Variants in ADAMTS3 observed in about 807,000 individuals in gnomAD.
The protein encoded by ADAMTS3 is ADAM metallopeptidase with thrombospondin type 1 motif 3.
A neutral mutation model predicts 129.0 loss-of-function variants in ADAMTS3; 73 were observed. The ratio of observed to expected loss-of-function variants is 0.57; its 90% CI spans 0.47 to 0.69. The LOEUF is 0.69. Among genes scored for constraint, ADAMTS3 ranks in the 30% least tolerant of loss-of-function variants. The pLI, the probability that ADAMTS3 is intolerant of heterozygous loss-of-function variation, is 0.00. For synonymous variants in ADAMTS3, 477 were observed against 510.8 expected (o/e 0.93, Z 0.89); for missense variants, 1,457 against 1,514.5 (o/e 0.96, Z 0.63).
intron 10 of ADAMTS3, 45 bp from the exon 11 acceptor site, chr4:72,316,016 T>A (rs745666412): frequency 1.7e-6 from 2 of 1,206,564 alleles, no homozygotes; most frequent in East Asian, 2.4e-5. Context: ...TCAGCTAGCA[T>A]GACATGCACC....
At chr4:72,359,286 T>C (rs146408909) in intron 4 of ADAMTS3, among the ~76,000 whole-genome samples, 5 of 152,196 alleles carry the variant, frequency 3.3e-5, no homozygotes, top group African/African-American at 1.2e-4. Context: ...AGCTTGCTTC[T>C]GCATTTCTAT....
intron 4 of ADAMTS3, among the ~76,000 whole-genome samples, chr4:72,387,211 G>C (rs889207081): frequency 6.6e-6 from 1 of 152,016 alleles, no homozygotes; most frequent in African/African-American, 2.4e-5. Context: ...ATGCTTTTTT[G>C]TATGAACATT....
intron 3 of ADAMTS3, among the ~76,000 whole-genome samples, chr4:72,483,113 T>G (rs1719483555): frequency 6.6e-6 from 1 of 152,174 alleles, no homozygotes; most frequent in African/African-American, 2.4e-5. Flanking sequence ...TCTACTCTCA[T>G]CTTTTTTTTC....
intron 3 of ADAMTS3, among the ~76,000 whole-genome samples, chr4:72,508,412 T>C (rs1280401999): frequency 6.6e-6 from 1 of 152,122 alleles, no homozygotes; most frequent in Admixed American, 6.6e-5. Flanking sequence ...TTCAAGGTAA[T>C]TGGAGAAAAC....
At chr4:72,297,449 T>C (rs578204656) in intron 18 of ADAMTS3, among the ~76,000 whole-genome samples, 4 of 152,136 alleles carry the variant, frequency 2.6e-5, no homozygotes, top group Non-Finnish European at 5.9e-5. Flanking sequence ...ATAAAATAAA[T>C]AATTTACACA....
intron 4 of ADAMTS3, among the ~76,000 whole-genome samples, chr4:72,381,642 A>T (rs1386613892): frequency 3.3e-5 from 5 of 152,182 alleles, no homozygotes; most frequent in Admixed American, 1.3e-4. Flanking sequence ...AGATGCATCT[A>T]TAAGATATAC....
intron 3 of ADAMTS3, among the ~76,000 whole-genome samples, chr4:72,535,195 AC>A (rs1282752675): frequency 6.6e-6 from 1 of 152,158 alleles, no homozygotes; most frequent in Non-Finnish European, 1.5e-5. Context: ...ATATTGGTAC[AC>A]CCTAAGCAAA....
intron 3 of ADAMTS3, among the ~76,000 whole-genome samples, chr4:72,450,939 G>GGAAA (rs1378980719): frequency 2.0e-5 from 3 of 147,178 alleles, no homozygotes. Context: ...AAGGAAGGAA[G>GGAAA]GAAGGAAGGC....
chr4:72,481,449 AAGAG>A (rs1288068734), intron 3 of ADAMTS3, among the ~76,000 whole-genome samples: 1 of 152,174 alleles, frequency 6.6e-6, no homozygotes, highest in South Asian at 2.1e-4. Context: ...CAATAAAAGA[AAGAG>A]AGCTTTTCAG....
chr4:72,466,548 C>T (rs1409437861), intron 3 of ADAMTS3, among the ~76,000 whole-genome samples: 1 of 151,978 alleles, frequency 6.6e-6, no homozygotes, highest in Non-Finnish European at 1.5e-5. Context: ...ATTTGCTAAT[C>T]GACAGAATGT....
chr4:72,553,690 C>G (rs1399847288), intron 2 of ADAMTS3, among the ~76,000 whole-genome samples: 1 of 152,004 alleles, frequency 6.6e-6, no homozygotes, highest in Admixed American at 6.6e-5. Context: ...CAAACCTCAG[C>G]ACCTCCTCCT....
chr4:72,336,566 A>G (rs1430638195), intron 5 of ADAMTS3, among the ~76,000 whole-genome samples: 2 of 152,164 alleles, frequency 1.3e-5, no homozygotes, highest in African/African-American at 2.4e-5. Context: ...ACAGGCTACA[A>G]CAGGGCAGAG....
intron 3 of ADAMTS3, among the ~76,000 whole-genome samples, chr4:72,496,413 C>T (rs1719874325): frequency 6.6e-6 from 1 of 152,102 alleles, no homozygotes; most frequent in Non-Finnish European, 1.5e-5. Context: ...CAGATCTCAC[C>T]TTTCTTCTTT....
chr4:72,459,358 T>C (rs1040121649), intron 3 of ADAMTS3, among the ~76,000 whole-genome samples: 2 of 151,606 alleles, frequency 1.3e-5, no homozygotes, highest in African/African-American at 4.8e-5. Flanking sequence ...ATATTTCAAT[T>C]CCGAGATGGC....
At chr4:72,402,851 G>T (rs1721959324) in intron 4 of ADAMTS3, among the ~76,000 whole-genome samples, 1 of 152,092 alleles carries the variant, frequency 6.6e-6, no homozygotes, top group Admixed American at 6.6e-5. Context: ...ATTAAGGTCT[G>T]GGAGGTGGTG....
chr4:72,447,768 C>T (rs1014373194), intron 3 of ADAMTS3, among the ~76,000 whole-genome samples: 7 of 151,606 alleles, frequency 4.6e-5, no homozygotes, highest in African/African-American at 1.7e-4. Flanking sequence ...AACCGGTGAC[C>T]CAAATGCAGA....
Position 72,332,583 on chromosome 4 carries a change from C to T in ADAMTS3, c.861+6911G>A, listed in dbSNP as rs557850798. Among the ~76,000 whole-genome samples, 55 of 152,204 alleles carry T rather than the reference C, an allele frequency of 3.6e-4. 1 individual carries two copies. The highest frequency in any genetic ancestry group is 1.3e-3 in the Admixed American group (20 of 15,290). ...CATTTAATAAATCCTGAGATTAAGG[C>T]ATAAATTCTATTTACAGGGCCCTAA... On this transcript the variant is annotated intron_variant, in intron 5 of 21. Coordinates refer to ENST00000286657, the MANE Select transcript of ADAMTS3 (RefSeq NM_014243.3).
At chr4:72,290,814 C>T in intron 20 of ADAMTS3, 41 bp downstream of exon 20, 1 of 1,587,004 alleles carries the variant, frequency 6.3e-7, no homozygotes, top group African/African-American at 1.3e-5. Flanking sequence ...CATGCTTACA[C>T]ACACACTTTA....
At chr4:72,343,194 A>G (rs1450979889) in intron 4 of ADAMTS3, among the ~76,000 whole-genome samples, 1 of 152,070 alleles carries the variant, frequency 6.6e-6, no homozygotes, top group Non-Finnish European at 1.5e-5. Context: ...TGGGCTTTCC[A>G]CCTGGCCAGT....
Sources: gnomAD v4.1 joint callset for allele counts (sites outside exome capture counted in the v4.1 genomes callset) on GRCh38, gnomAD v4.1.1 for gene constraint, MANE v1.5 for transcripts, NCBI Gene and HGNC (gene_info 2026-07-23, HGNC 2026-07-21) for gene names.